The following FAXDC2 variants were observed in gnomAD, a reference collection of about 807,000 sequenced individuals.
FAXDC2 encodes fatty acid hydroxylase domain containing 2.
FAXDC2 carries 41 observed loss-of-function variants against 40.9 expected under a neutral mutation model. The observed-to-expected ratio is 1.00, with a 90% CI of 0.78 to 1.30. The LOEUF (loss-of-function observed/expected upper bound fraction) is 1.30. FAXDC2 is among the 50% of genes most tolerant of loss of function. FAXDC2 has a pLI of 0.00. For synonymous variants in FAXDC2, 157 were observed against 149.3 expected, an observed-to-expected ratio of 1.05 and a Z score of -0.38; for missense variants, 390 against 408.8, an observed-to-expected ratio of 0.95 and a Z score of 0.40.
Position 154,834,893 on chromosome 5 carries a change from G to A in FAXDC2, c.90C>T (p.Ile30=), listed in dbSNP as rs752673058. ...IWGSMRRTAF[I]LGSGLLSFVA... is the part of the protein sequence containing the mutation. Reference sequence around the variant, plus strand: ...CAAATGAGAGAAGTCCAGAGCCCAGGATGAAAGCTGTCCTCCTCATAGAGC... The same window carrying A: ...CAAATGAGAGAAGTCCAGAGCCCAGAATGAAAGCTGTCCTCCTCATAGAGC... Residue 30 remains isoleucine, a synonymous_variant, in exon 3 of 9, where the codon ATC becomes ATT. Transcript: ENST00000326080. 205 of 1,609,030 alleles carry A rather than the reference G, an allele frequency of 1.3e-4. No individual in the cohort carries two copies. Among genetic ancestry groups the A allele is most frequent in the Non-Finnish European group, 1.5e-4 (178 of 1,177,404 alleles).
intron 5 of FAXDC2, among the ~76,000 whole-genome samples, chr5:154,826,402 G>T (rs888154311): frequency 2.6e-5 from 4 of 151,906 alleles, no homozygotes; most frequent in African/African-American, 4.8e-5. Context: ...GGTGGCAGGT[G>T]CCTGTAATCC....
At chr5:154,842,711 A>G (rs1161092991) in intron 1 of FAXDC2, among the ~76,000 whole-genome samples, 5 of 133,408 alleles carry the variant, frequency 3.7e-5, no homozygotes, top group Non-Finnish European at 6.5e-5. Flanking sequence ...TTTTTTTTTT[A>G]AGTAGAGATG....
chr5:154,826,012 G>A (rs1760025304), intron 5 of FAXDC2, among the ~76,000 whole-genome samples: 1 of 152,054 alleles, frequency 6.6e-6, no homozygotes, highest in Non-Finnish European at 1.5e-5. Context: ...GGAGGGAGTT[G>A]GATATTTCAG....
intron 1 of FAXDC2, among the ~76,000 whole-genome samples, chr5:154,845,531 G>A (rs1248866778): frequency 3.3e-5 from 5 of 152,042 alleles, no homozygotes; most frequent in Non-Finnish European, 7.4e-5. Flanking sequence ...GAAGCGGGAG[G>A]ATTGCTTGAG....
chr5:154,848,473 CCTTA>C (rs768318070), intron 1 of FAXDC2, among the ~76,000 whole-genome samples: 8 of 152,142 alleles, frequency 5.3e-5, no homozygotes, highest in Admixed American at 2.0e-4. Flanking sequence ...TTAGAACTCC[CCTTA>C]CTTCAGCCTC....
chr5:154,820,792 T>G, intron 8 of FAXDC2: 1 of 269,314 alleles, frequency 3.7e-6, no homozygotes, highest in Non-Finnish European at 7.4e-6. Flanking sequence ...CCTGGAACAC[T>G]TAACTAAAAT....
chr5:154,819,351 T>G lies in FAXDC2; in HGVS notation c.*965A>C, dbSNP rs1759816487. On this transcript the variant is annotated 3_prime_UTR_variant, in exon 9 of 9. Coordinates refer to ENST00000326080, the MANE Select transcript of FAXDC2 (RefSeq NM_032385.5). ...GGTAAAAATCATCTTGAATAAATGT[T>G]GCTGAGAAACTGGTAAAGCATTCGG... The G allele has an allele frequency of 6.6e-6, 1 of 152,182 alleles. No individual in the cohort carries two copies. The highest frequency in any genetic ancestry group is 2.4e-5 in the African/African-American group (1 of 41,450). 9.4% of individuals were successfully genotyped at this position (152,182 alleles called of 1,614,324 possible). A position where few individuals can be genotyped will look rare whatever the true frequency, so the allele number is the denominator to read the frequency against.
chr5:154,828,338 A>T (rs1760096466), intron 5 of FAXDC2, among the ~76,000 whole-genome samples: 1 of 151,960 alleles, frequency 6.6e-6, no homozygotes, highest in African/African-American at 2.4e-5. Context: ...AGATGGAAAA[A>T]ATTTACCACG....
At position 154,830,859 on chromosome 5, in the gene FAXDC2, G is replaced by A. The variant is rs1760170954; in HGVS notation, c.308C>T (p.Thr103Ile). 6.2e-7 allele frequency: 1 copy of A among 1,614,066 alleles called. No individual in the cohort carries two copies. Among genetic ancestry groups the A allele is most frequent in the African/African-American group, 1.3e-5 (1 of 74,926 alleles). Residue 103 changes from threonine to isoleucine, a missense_variant, in exon 5 of 9, where the codon ACA (threonine) becomes ATA (isoleucine). Coordinates refer to ENST00000326080, the MANE Select transcript of FAXDC2 (RefSeq NM_032385.5). ...AGAGATGAAGTTAGGTTTTCCTGTT[G>A]TGTCAACCACCAATAGAAGCCCATT... Reference protein sequence around the residue: ...SFNGLLLVVDTTGKPNFISRY... With the variant: ...SFNGLLLVVDITGKPNFISRY...
intron 5 of FAXDC2, among the ~76,000 whole-genome samples, chr5:154,828,922 C>CT (rs374113320): frequency 0.018 from 2,420 of 132,490 alleles, 22 homozygotes; most frequent in Non-Finnish European, 0.026. Context: ...TTCTTTTTTT[C>CT]TTTTTTTTTT....
chr5:154,834,150 G>A (rs1760262484), intron 4 of FAXDC2, among the ~76,000 whole-genome samples: 3 of 151,516 alleles, frequency 2.0e-5, no homozygotes, highest in African/African-American at 7.3e-5. Context: ...AGATAATGCT[G>A]TTATAAATAT....
At chr5:154,829,041 C>T (rs1035356151) in intron 5 of FAXDC2, among the ~76,000 whole-genome samples, 2 of 150,704 alleles carry the variant, frequency 1.3e-5, no homozygotes, top group African/African-American at 2.4e-5. Context: ...TCCAGGCATG[C>T]GCCACCATGC....
intron 2 of FAXDC2, among the ~76,000 whole-genome samples, chr5:154,835,742 G>C (rs922023299): frequency 6.6e-6 from 1 of 151,296 alleles, no homozygotes; most frequent in African/African-American, 2.4e-5. Flanking sequence ...CACCACACCC[G>C]GCTAATTTTT....
chr5:154,842,202 T>C (rs1290579005), intron 1 of FAXDC2, among the ~76,000 whole-genome samples: 3 of 151,888 alleles, frequency 2.0e-5, no homozygotes, highest in Admixed American at 6.6e-5. Context: ...TTGTTTTGTT[T>C]TGTTTTGTTT....
chr5:154,824,539 G>A (rs34299658), intron 5 of FAXDC2: 606 of 702,536 alleles, frequency 8.6e-4, no homozygotes, highest in Non-Finnish European at 1.4e-3. Context: ...ATCCCATTGC[G>A]AGGCCAGGTC....
intron 1 of FAXDC2, 119 bp from the exon 2 acceptor site, chr5:154,838,297 G>A: frequency 5.9e-6 from 5 of 854,020 alleles, no homozygotes; most frequent in Non-Finnish European, 9.2e-6. Flanking sequence ...AAAAAAATTG[G>A]CTTGTTGTTC....
In FAXDC2 at chr5:154,820,432, G is replaced by A; in HGVS notation, c.886C>T (p.Leu296Phe). The change falls in exon 9 of 9, where the codon CTC becomes TTC. Residue 296 changes from leucine (L) to phenylalanine (F), a missense_variant. Coordinates refer to ENST00000326080, the MANE Select transcript of FAXDC2 (RefSeq NM_032385.5). ...CYGVLGVLDHLHGTDTMFKQT... is the reference protein window; with the variant it reads ...CYGVLGVLDHFHGTDTMFKQT... ...TTGAACATGGTGTCAGTCCCATGGA[G>A]GTGGTCCAGCACACCCAGCACCCCA... 1 of 1,613,194 alleles carries A rather than the reference G, an allele frequency of 6.2e-7. No homozygotes were observed. Among genetic ancestry groups the A allele is most frequent in the Non-Finnish European group, 8.5e-7 (1 of 1,179,780 alleles).
intron 8 of FAXDC2, 75 bp from the exon 9 acceptor site, chr5:154,820,547 C>T (rs1054118865): frequency 1.1e-5 from 14 of 1,305,430 alleles, no homozygotes; most frequent in Admixed American, 2.2e-5. Context: ...TTGTGCCAGC[C>T]TCACACATTT....
rs904531608 is a variant in FAXDC2 at position 154,819,116 on chromosome 5, A to G, written c.*1200T>C. 4.6e-5 allele frequency: 7 copies of G among 152,364 alleles called. No individual in the cohort carries two copies. The highest frequency in any genetic ancestry group is 8.8e-5 in the Non-Finnish European group (6 of 68,042). The allele number at this position is 152,364 out of a possible 1,614,324, so 9.4% of individuals were successfully genotyped here. ...AAGGTATTTTATAAAGCTACAGTGG[A>G]TGTTTTTCTTAAGAGAACTGAAAGT... On this transcript the variant is annotated 3_prime_UTR_variant, in exon 9 of 9. Coordinates refer to ENST00000326080, the MANE Select transcript of FAXDC2 (RefSeq NM_032385.5).
Sources: gnomAD v4.1 joint callset for allele counts (sites outside exome capture counted in the v4.1 genomes callset) on GRCh38, gnomAD v4.1.1 for gene constraint, MANE v1.5 for transcripts, NCBI Gene and HGNC (gene_info 2026-07-23, HGNC 2026-07-21) for gene names.